Variants in TRPM3 observed in about 807,000 individuals in gnomAD.
TRPM3 encodes the protein long transient receptor potential channel 3.
A neutral mutation model predicts 181.2 loss-of-function variants in TRPM3; 77 were observed. The observed-to-expected ratio is 0.42, with a 90% CI of 0.35 to 0.51. The LOEUF (loss-of-function observed/expected upper bound fraction) is 0.51. TRPM3 is among the 20% of genes least tolerant of loss of function. The pLI, the probability that TRPM3 is intolerant of heterozygous loss-of-function variation, is 0.01. For missense variants in TRPM3, 1,759 were observed against 2,196.7 expected (o/e 0.80, Z 3.98); for synonymous variants, 745 against 796.4 (o/e 0.94, Z 1.09).
chr9:71,196,131 A>C (rs1179443600), intron 1 of TRPM3, among the ~76,000 whole-genome samples: 1 of 150,476 alleles, frequency 6.6e-6, no homozygotes, highest in Non-Finnish European at 1.5e-5. Context: ...TTAATATTTT[A>C]TGTACATACG....
intron 7 of TRPM3, among the ~76,000 whole-genome samples, chr9:70,782,135 T>C (rs1329932143): frequency 1.3e-5 from 2 of 151,826 alleles, no homozygotes; most frequent in East Asian, 3.8e-4. Context: ...GTATTAAAAT[T>C]ATTAAGTTTA....
intron 3 of TRPM3, among the ~76,000 whole-genome samples, chr9:70,854,050 G>T (rs895087147): frequency 6.6e-6 from 1 of 152,158 alleles, no homozygotes; most frequent in Non-Finnish European, 1.5e-5. Context: ...CGACTCAGCA[G>T]CTCCACGCTC....
intron 1 of TRPM3, among the ~76,000 whole-genome samples, chr9:71,312,597 C>A (rs1000333848): frequency 1.1e-4 from 16 of 152,128 alleles, no homozygotes; most frequent in Non-Finnish European, 1.8e-4. Flanking sequence ...AAACACCCTG[C>A]ACATGGATGT....
chr9:70,918,044 G>T (rs2096619065), intron 1 of TRPM3, among the ~76,000 whole-genome samples: 1 of 151,846 alleles, frequency 6.6e-6, no homozygotes, highest in Admixed American at 6.6e-5. Flanking sequence ...GTGGTAAGAA[G>T]AGACAAAGTA....
intron 1 of TRPM3, among the ~76,000 whole-genome samples, chr9:71,200,302 C>A (rs1243398951): frequency 6.6e-6 from 1 of 151,604 alleles, no homozygotes. Context: ...ACTATGTGGT[C>A]AATTTTGGAA....
intron 1 of TRPM3, among the ~76,000 whole-genome samples, chr9:70,909,447 T>C (rs1027462223): frequency 2.6e-5 from 4 of 152,190 alleles, no homozygotes; most frequent in Admixed American, 6.5e-5. Flanking sequence ...GCTCCAGCCA[T>C]GGTGGACATA....
intron 6 of TRPM3, among the ~76,000 whole-genome samples, chr9:70,798,030 G>A (rs957338043): frequency 6.6e-6 from 1 of 152,164 alleles, no homozygotes; most frequent in African/African-American, 2.4e-5. Context: ...GTCAGAACTT[G>A]GATGCAGAAA....
intron 1 of TRPM3, among the ~76,000 whole-genome samples, chr9:71,393,925 G>T (rs1315911654): frequency 1.3e-5 from 2 of 152,066 alleles, no homozygotes; most frequent in African/African-American, 2.4e-5. Context: ...TCATAGTCCG[G>T]GATTTATATT....
chr9:71,232,785 A>G (rs1056053270), intron 1 of TRPM3, among the ~76,000 whole-genome samples: 3 of 152,128 alleles, frequency 2.0e-5, no homozygotes, highest in Non-Finnish European at 4.4e-5. Flanking sequence ...GGAGTGAGCC[A>G]TCACACCTGA....
chr9:71,035,982 C>CT (rs35101881), intron 1 of TRPM3, among the ~76,000 whole-genome samples: 12,399 of 98,172 alleles, frequency 0.13, 1,133 homozygotes, highest in East Asian at 0.26. Context: ...CAAACATAGG[C>CT]TTTTTTTTTT....
In TRPM3 at chr9:71,074,668, G is replaced by A. The variant is rs183630692; in HGVS notation, c.177+46510C>T. On this transcript the variant is annotated intron_variant, in intron 1 of 25. Transcript: ENST00000677713. ...CAGGGTGGTTGTAAGCATTAAAAGA[G>A]ATGACACCTGTAAAGTACTCAGAGG... Among the ~76,000 whole-genome samples the A allele has an allele frequency of 4.0e-3, 608 of 152,294 alleles. 4 individuals are homozygous for A. Among genetic ancestry groups the A allele is most frequent in the African/African-American group, 0.014 (579 of 41,562 alleles).
intron 8 of TRPM3, among the ~76,000 whole-genome samples, chr9:70,745,444 T>C (rs1422595893): frequency 6.6e-6 from 1 of 152,182 alleles, no homozygotes; most frequent in East Asian, 1.9e-4. Flanking sequence ...AAATTCTTCC[T>C]CTTTATCTTC....
intron 6 of TRPM3, among the ~76,000 whole-genome samples, chr9:70,814,059 T>C (rs1229245437): frequency 6.6e-6 from 1 of 152,160 alleles, no homozygotes; most frequent in Non-Finnish European, 1.5e-5. Flanking sequence ...AAAAGTACTG[T>C]CAAGAGAAGA....
chr9:71,003,193 T>TAA (rs34024667), intron 1 of TRPM3, among the ~76,000 whole-genome samples: 46,009 of 128,698 alleles, frequency 0.36, 8,372 homozygotes, highest in Middle Eastern at 0.47. Context: ...TCCCTTGCCT[T>TAA]AAAAAAAAAA....
chr9:71,244,980 C>A (rs2081949965), intron 1 of TRPM3, among the ~76,000 whole-genome samples: 1 of 152,128 alleles, frequency 6.6e-6, no homozygotes, highest in Admixed American at 6.5e-5. Flanking sequence ...TTTAACAGCA[C>A]AGGCTGGTGG....
intron 6 of TRPM3, chr9:70,810,084 C>T: frequency 1.9e-6 from 1 of 534,546 alleles, no homozygotes; most frequent in South Asian, 1.4e-5. Flanking sequence ...AGACTGTAGC[C>T]ATGGGTACGC....
intron 22 of TRPM3, among the ~76,000 whole-genome samples, chr9:70,582,751 C>T (rs1237854950): frequency 1.3e-5 from 2 of 152,188 alleles, no homozygotes; most frequent in Non-Finnish European, 2.9e-5. Context: ...TACCATCACC[C>T]ATCACAGTAG....
At chr9:71,420,568 A>G (rs1371883480) in intron 1 of TRPM3, among the ~76,000 whole-genome samples, 4 of 150,906 alleles carry the variant, frequency 2.7e-5, no homozygotes, top group Admixed American at 2.6e-4. Context: ...AGAAAGAAAA[A>G]GAGAAGAGAA....
chr9:70,950,565 A>G (rs1221004018), intron 1 of TRPM3, among the ~76,000 whole-genome samples: 2 of 152,218 alleles, frequency 1.3e-5, no homozygotes, highest in Admixed American at 6.5e-5. Context: ...ATGCAGCCCT[A>G]TTGAGGAACA....
Sources: gnomAD v4.1 joint callset for allele counts (sites outside exome capture counted in the v4.1 genomes callset) on GRCh38, gnomAD v4.1.1 for gene constraint, MANE v1.5 for transcripts, NCBI Gene and HGNC (gene_info 2026-07-23, HGNC 2026-07-21) for gene names.